The following OPTN variants were observed in gnomAD, a reference collection of about 807,000 sequenced individuals.
The protein encoded by OPTN is optineurin.
OPTN carries 54 observed loss-of-function variants against 70.4 expected under a neutral mutation model. The observed-to-expected ratio is 0.77, with a 90% CI of 0.62 to 0.96. The LOEUF is 0.96. Ranked by LOEUF, OPTN falls within the 40% of genes least tolerant of loss-of-function variation. The probability of loss-of-function intolerance (pLI) is 0.00; values close to 1 mark genes in which losing one functional copy is unlikely to be tolerated. For missense variants in OPTN, 624 were observed against 673.2 expected, an observed-to-expected ratio of 0.93 and a Z score of 0.81; for synonymous variants, 256 against 248.5, an observed-to-expected ratio of 1.03 and a Z score of -0.28.
intron 13 of OPTN, 149 bp downstream of exon 13, chr10:13,132,346 C>A: frequency 1.6e-6 from 1 of 640,918 alleles, no homozygotes; most frequent in East Asian, 3.1e-5. Context: ...AGTCCCCTGT[C>A]TGAAAAATAA....
chr10:13,121,089 C>T (rs901112671), intron 7 of OPTN, among the ~76,000 whole-genome samples: 7 of 151,662 alleles, frequency 4.6e-5, no homozygotes, highest in African/African-American at 1.7e-4. Flanking sequence ...TCTCCCTTGA[C>T]ACATGGGGAT....
At position 13,100,214 on chromosome 10, in the gene OPTN, G is replaced by C. The variant is rs1297132560; in HGVS notation, c.-252G>C. On this transcript the variant is annotated 5_prime_UTR_variant, in exon 1 of 15. Coordinates refer to ENST00000378747, the MANE Select transcript of OPTN (RefSeq NM_001008212.2). ...CCGCCGCCCGCCGGCAGGTTCCCTG[G>C]TCAGCGTCCCATCCCGGTCGGGAGT... 2 of 154,420 alleles carry C rather than the reference G, an allele frequency of 1.3e-5. No homozygotes were observed. The highest frequency in any genetic ancestry group is 4.8e-5 in the African/African-American group (2 of 41,486). 9.6% of individuals were successfully genotyped at this position (154,420 alleles called of 1,614,324 possible).
chr10:13,128,081 T>C (rs1461644344), intron 12 of OPTN, among the ~76,000 whole-genome samples, 178 bp downstream of exon 12: 1 of 152,254 alleles, frequency 6.6e-6, no homozygotes, highest in African/African-American at 2.4e-5. Context: ...TCTTATCTGT[T>C]CTACATTTAA....
Position 13,136,379 on chromosome 10 carries a change from G to A in OPTN, c.1613-366G>A, listed in dbSNP as rs953464046. Among the ~76,000 whole-genome samples, 7 of 151,508 alleles carry A rather than the reference G, an allele frequency of 4.6e-5. No individual in the cohort carries two copies. In the East Asian group the frequency reaches 7.8e-4, roughly 17 times the overall value. On this transcript the variant is annotated intron_variant, in intron 14 of 14. Coordinates refer to ENST00000378747, the MANE Select transcript of OPTN (RefSeq NM_001008212.2). ...AAAAATTAGCTGGGCGTGGTGGCGCGCACCTGTGATCCCAGCTACTCAGGA... is the reference window on the plus strand; with the variant it reads ...AAAAATTAGCTGGGCGTGGTGGCGCACACCTGTGATCCCAGCTACTCAGGA...
At chr10:13,115,123 ATATAAATT>A (rs1833134447) in intron 5 of OPTN, among the ~76,000 whole-genome samples, 1 of 95,432 alleles carries the variant, frequency 1.0e-5, no homozygotes, top group Non-Finnish European at 1.8e-5. Context: ...TTATATATAT[ATATAAATT>A]TATAATATAG....
chr10:13,114,806 A>ATAAG (rs1564358820), intron 5 of OPTN, among the ~76,000 whole-genome samples: 1 of 19,758 alleles, frequency 5.1e-5, no homozygotes, highest in African/African-American at 1.0e-4. Flanking sequence ...ATATATACAT[A>ATAAG]TATATAATTA....
chr10:13,122,665 G>T (rs1281003538), intron 8 of OPTN, among the ~76,000 whole-genome samples, 178 bp downstream of exon 8: 3 of 152,082 alleles, frequency 2.0e-5, no homozygotes, highest in African/African-American at 7.2e-5. Context: ...CAATTGTAGC[G>T]AGATGTATTT....
In OPTN at chr10:13,132,062, A is replaced by G; in HGVS notation, c.1402-5A>G. On this transcript the variant is annotated splice_region_variant and splice_polypyrimidine_tract_variant and intron_variant, in intron 12 of 14. Transcript: ENST00000378747. ...TAACTTCTGTATCTTTTTTTCCTCT[A>G]ACAGATGGAAGTTTACTGTTCTGAT... is the stretch of plus-strand genomic sequence containing the variant. 6.2e-7 allele frequency: 1 copy of G among 1,611,570 alleles called. No individual in the cohort carries two copies. Among genetic ancestry groups the G allele is most frequent in the East Asian group, 2.2e-5 (1 of 44,786 alleles).
intron 10 of OPTN, 112 bp downstream of exon 10, chr10:13,125,679 T>A (rs1833442932): frequency 7.5e-7 from 1 of 1,332,592 alleles, no homozygotes; most frequent in African/African-American, 1.5e-5. Flanking sequence ...TCTTTTTCAC[T>A]TATCTGAAGG....
At chr10:13,125,337 A>G in intron 9 of OPTN, 81 bp from the exon 10 acceptor site, 1 of 1,473,278 alleles carries the variant, frequency 6.8e-7, no homozygotes, top group Non-Finnish European at 9.5e-7. Flanking sequence ...CTTATATTGT[A>G]CATAACCTTG....
intron 6 of OPTN, among the ~76,000 whole-genome samples, chr10:13,118,461 CTG>C (rs2131504624): frequency 6.6e-6 from 1 of 152,340 alleles, no homozygotes; most frequent in South Asian, 2.1e-4. Context: ...GTGATGGTCT[CTG>C]TTAACTTGGA....
Position 13,127,808 on chromosome 10 carries a change from G to T in OPTN, c.1306G>T (p.Ala436Ser). The change falls in exon 12 of 15, where the codon GCT becomes TCT. Residue 436 changes from alanine to serine, a missense_variant. Coordinates refer to ENST00000378747, the MANE Select transcript of OPTN (RefSeq NM_001008212.2). ...TGAAAAACTGGAACTGGCAGAGAAG[G>T]CTCTGGCTTCCAAACAGCTGCAAAT... Reference protein sequence around the residue: ...LSEKLELAEKALASKQLQMDE... With the variant: ...LSEKLELAEKSLASKQLQMDE... The T allele has an allele frequency of 2.5e-6, 4 of 1,614,086 alleles. No homozygotes were observed. The highest frequency in any genetic ancestry group is 3.4e-6 in the Non-Finnish European group (4 of 1,179,960).
chr10:13,119,717 TCTTA>T (rs1361991581), intron 7 of OPTN, among the ~76,000 whole-genome samples: 4 of 152,186 alleles, frequency 2.6e-5, no homozygotes, highest in Non-Finnish European at 4.4e-5. Context: ...AACACTTGTT[TCTTA>T]CTGTTTTCAC....
chr10:13,115,506 A>T (rs556004670), intron 5 of OPTN, among the ~76,000 whole-genome samples: 2 of 81,508 alleles, frequency 2.5e-5, no homozygotes, highest in East Asian at 5.4e-4. Context: ...ATAATATAGA[A>T]TATATATAAT....
At chr10:13,126,982 C>T (rs1339380165) in intron 11 of OPTN, among the ~76,000 whole-genome samples, 1 of 152,026 alleles carries the variant, frequency 6.6e-6, no homozygotes, top group African/African-American at 2.4e-5. Flanking sequence ...TGTGATCACG[C>T]CACTGTACTC....
In OPTN at chr10:13,134,574, A is replaced by G. The variant is rs141968786; in HGVS notation, c.1612+993A>G. Among the ~76,000 whole-genome samples, 827 of 152,292 alleles carry G rather than the reference A, an allele frequency of 5.4e-3. 8 individuals are homozygous for G. Among genetic ancestry groups the G allele is most frequent in the African/African-American group, 0.019 (782 of 41,556 alleles). On this transcript the variant is annotated intron_variant, in intron 14 of 14. Coordinates refer to ENST00000378747, the MANE Select transcript of OPTN (RefSeq NM_001008212.2). ...CAGCCTCCCAAGTAGCTAGGACTAC[A>G]GGTGCACGCCACCACGCCTGGCTAA...
At chr10:13,125,053 C>G (rs192780799) in intron 9 of OPTN, among the ~76,000 whole-genome samples, 1 of 152,090 alleles carries the variant, frequency 6.6e-6, no homozygotes, top group Non-Finnish European at 1.5e-5. Flanking sequence ...TTGACAGAAC[C>G]TATAACTTTT....
At chr10:13,125,865 G>A in intron 10 of OPTN, 81 bp from the exon 11 acceptor site, 1 of 1,033,448 alleles carries the variant, frequency 9.7e-7, no homozygotes, top group Non-Finnish European at 1.5e-6. Flanking sequence ...CTACTGGAGT[G>A]TTCAGAAGGT....
intron 12 of OPTN, among the ~76,000 whole-genome samples, chr10:13,131,773 T>C (rs1235384795): frequency 2.6e-5 from 4 of 152,214 alleles, no homozygotes; most frequent in African/African-American, 4.8e-5. Context: ...TTGTTTATTA[T>C]CTAAAAGTCC....
Sources: gnomAD v4.1 joint callset for allele counts (sites outside exome capture counted in the v4.1 genomes callset) on GRCh38, gnomAD v4.1.1 for gene constraint, MANE v1.5 for transcripts, NCBI Gene and HGNC (gene_info 2026-07-23, HGNC 2026-07-21) for gene names.